BBS9: variants seen among roughly 807,000 people sequenced by gnomAD.
BBS9 encodes protein PTHB1.
BBS9 carries 89 observed loss-of-function variants against 117.7 expected under a neutral mutation model. The ratio of observed to expected loss-of-function variants is 0.76; its 90% CI spans 0.64 to 0.90. The LOEUF (loss-of-function observed/expected upper bound fraction) is 0.90. Among genes scored for constraint, BBS9 ranks in the 40% least tolerant of loss-of-function variants. The pLI is 0.00. For missense variants in BBS9, 982 were observed against 1,042.2 expected (o/e 0.94, Z 0.80); for synonymous variants, 379 against 370.9 (o/e 1.02, Z -0.25).
intron 7 of BBS9, among the ~76,000 whole-genome samples, chr7:33,265,541 C>T (rs1042860993): frequency 6.6e-6 from 1 of 152,016 alleles, no homozygotes; most frequent in East Asian, 1.9e-4. Flanking sequence ...GTGATAATAT[C>T]TATTTTAAAA....
chr7:33,203,479 C>G (rs1341795191), intron 5 of BBS9, among the ~76,000 whole-genome samples: 1 of 152,088 alleles, frequency 6.6e-6, no homozygotes, highest in Admixed American at 6.5e-5. Context: ...TGTACAGAGA[C>G]TTTTCTGGGC....
chr7:33,473,874 T>G (rs1015630733), intron 19 of BBS9, among the ~76,000 whole-genome samples: 4 of 152,220 alleles, frequency 2.6e-5, no homozygotes, highest in Non-Finnish European at 5.9e-5. Context: ...AATCATATCT[T>G]ATTTATTTTT....
At chr7:33,426,061 T>C (rs1056797422) in intron 19 of BBS9, among the ~76,000 whole-genome samples, 7 of 152,106 alleles carry the variant, frequency 4.6e-5, no homozygotes, top group African/African-American at 1.7e-4. Context: ...TGGAGTAAAA[T>C]ATTGGCATGA....
intron 19 of BBS9, among the ~76,000 whole-genome samples, chr7:33,463,477 G>A (rs1483416096): frequency 1.3e-5 from 2 of 151,944 alleles, no homozygotes; most frequent in African/African-American, 2.4e-5. Context: ...ATATTTCCTT[G>A]TTACAATGAT....
chr7:33,414,061 C>CA (rs1034315192), intron 19 of BBS9, among the ~76,000 whole-genome samples: 17 of 152,044 alleles, frequency 1.1e-4, no homozygotes, highest in African/African-American at 4.1e-4. Flanking sequence ...CGAAAACAAA[C>CA]AAAAAACCAA....
At chr7:33,269,955 G>A (rs767112133) in intron 7 of BBS9, among the ~76,000 whole-genome samples, 40 of 151,168 alleles carry the variant, frequency 2.6e-4, no homozygotes, top group Non-Finnish European at 4.3e-4. Flanking sequence ...CCTGGGAGGC[G>A]GAGGTTGCAG....
Position 33,388,043 on chromosome 7 carries a change from C to T in BBS9, c.2014C>T (p.Gln672Ter). ...LEELLSERAV[Q>*]FRAIQRRLLA... ...AGAACTCTTATCTGAGAGAGCTGTA[C>T]AATTTCGGGCCATTCAACGCCGGCT... Residue 672 changes from glutamine to a stop codon, truncating the protein, a stop_gained, in exon 19 of 23, where the codon CAA (glutamine) becomes TAA (stop). Transcript: ENST00000242067. LOFTEE classifies it high-confidence loss of function. The T allele has an allele frequency of 3.1e-6, 5 of 1,614,080 alleles. No homozygotes were observed. The highest frequency in any genetic ancestry group is 4.2e-6 in the Non-Finnish European group (5 of 1,179,984).
intron 9 of BBS9, among the ~76,000 whole-genome samples, chr7:33,307,867 T>C (rs2128543423): frequency 6.6e-6 from 1 of 152,248 alleles, no homozygotes; most frequent in South Asian, 2.1e-4. Flanking sequence ...TGTTACTAAT[T>C]AATTCCTCGG....
rs566214253 is a variant in BBS9 at position 33,238,465 on chromosome 7, A to AT, written c.443-18763dup. Among the ~76,000 whole-genome samples, 525 of 151,396 alleles carry AT rather than the reference A, an allele frequency of 3.5e-3. 3 individuals are homozygous for AT. Among genetic ancestry groups the AT allele is most frequent in the African/African-American group, 0.012 (489 of 41,296 alleles). On this transcript the variant is annotated intron_variant, in intron 5 of 22. Transcript: ENST00000242067. ...GCCACCACGCCTGGCTAATTTTTGTATTTTTTTTAGTAGAGACAGGGTTTC... is the reference window on the plus strand; with the variant it reads ...GCCACCACGCCTGGCTAATTTTTGTATTTTTTTTTAGTAGAGACAGGGTTTC...
intron 5 of BBS9, among the ~76,000 whole-genome samples, chr7:33,244,408 C>A (rs1346093881): frequency 1.3e-5 from 2 of 152,164 alleles, no homozygotes; most frequent in African/African-American, 4.8e-5. Context: ...CTGAATTGAA[C>A]CATTTCCAAC....
At chr7:33,357,803 T>G (rs545765119) in intron 15 of BBS9, 52 bp from the exon 16 acceptor site, 1 of 1,573,460 alleles carries the variant, frequency 6.4e-7, no homozygotes, top group Non-Finnish European at 8.7e-7. Context: ...AATTTTTTTT[T>G]GCCAAATTAT....
chr7:33,588,358 C>T (rs1475447247), intron 21 of BBS9, among the ~76,000 whole-genome samples: 6 of 152,062 alleles, frequency 3.9e-5, no homozygotes, highest in Admixed American at 6.6e-5. Context: ...AACCTCCCAG[C>T]GGAAAAGGCA....
At chr7:33,387,375 A>G (rs1299590874) in intron 18 of BBS9, among the ~76,000 whole-genome samples, 4 of 151,800 alleles carry the variant, frequency 2.6e-5, no homozygotes, top group Admixed American at 2.6e-4. Flanking sequence ...TCTTTTTCTC[A>G]TTGATTTGTA....
At chr7:33,222,894 A>G (rs1790523915) in intron 5 of BBS9, among the ~76,000 whole-genome samples, 1 of 151,692 alleles carries the variant, frequency 6.6e-6, no homozygotes, top group East Asian at 1.9e-4. Context: ...CAGAGGTTGC[A>G]GTGAGCTGAG....
intron 4 of BBS9, among the ~76,000 whole-genome samples, chr7:33,162,506 T>C (rs970377280): frequency 4.7e-5 from 7 of 149,730 alleles, no homozygotes; most frequent in African/African-American, 1.7e-4. Context: ...TTTTATTTTG[T>C]TGAGCAGTGG....
At chr7:33,203,688 T>C (rs375507384) in intron 5 of BBS9, among the ~76,000 whole-genome samples, 1 of 150,136 alleles carries the variant, frequency 6.7e-6, no homozygotes, top group South Asian at 2.1e-4. Flanking sequence ...ACCATCCTTA[T>C]TTATTTATTT....
In BBS9 at chr7:33,381,881, GAT is replaced by G. The variant is rs1237419373; in HGVS notation, c.1790-1781_1790-1780del. 2.0e-5 allele frequency among the ~76,000 whole-genome samples: 3 copies of G among 152,142 alleles called. No individual in the cohort carries two copies. The East Asian group carries it at 5.8e-4, about 29-fold the overall frequency. ...AAGGGAATGACTAGGGATGAGAGGAGATATACTATTGAATTCTGGATGGAGAT... is the reference window on the plus strand; with the variant it reads ...AAGGGAATGACTAGGGATGAGAGGAGATACTATTGAATTCTGGATGGAGAT... On this transcript the variant is annotated intron_variant, in intron 17 of 22. Coordinates refer to ENST00000242067, the MANE Select transcript of BBS9 (RefSeq NM_198428.3).
At chr7:33,597,261 A>G (rs944178127) in intron 21 of BBS9, among the ~76,000 whole-genome samples, 5 of 152,106 alleles carry the variant, frequency 3.3e-5, no homozygotes, top group African/African-American at 7.2e-5. Context: ...TCAAAAAAAC[A>G]CTTTATTCAT....
At chr7:33,275,322 T>C (rs1800575359) in intron 9 of BBS9, among the ~76,000 whole-genome samples, 1 of 152,222 alleles carries the variant, frequency 6.6e-6, no homozygotes, top group Non-Finnish European at 1.5e-5. Context: ...AGTTTTGAGA[T>C]TGGCTTTTGC....
Sources: allele counts gnomAD v4.1 joint callset (sites outside exome capture counted in the v4.1 genomes callset), GRCh38; gene constraint gnomAD v4.1.1; transcripts MANE v1.5; gene names NCBI Gene and HGNC (gene_info 2026-07-23, HGNC 2026-07-21).